Variants in CRTAC1 observed in about 807,000 individuals in gnomAD.
CRTAC1 encodes cartilage acidic protein 1, also known as acidic secreted protein in cartilage.
In CRTAC1, 37 loss-of-function variants were observed where a neutral mutation model predicts 67.8. The ratio of observed to expected loss-of-function variants is 0.55; its 90% CI spans 0.42 to 0.72. The LOEUF (loss-of-function observed/expected upper bound fraction) is 0.72, where lower values mean the gene tolerates loss of function less well. CRTAC1 is among the 30% of genes least tolerant of loss of function. CRTAC1 has a pLI of 0.00. For missense variants in CRTAC1, 780 were observed against 931.6 expected (o/e 0.84, Z 2.12); for synonymous variants, 348 against 371.0 (o/e 0.94, Z 0.71).
intron 2 of CRTAC1, among the ~76,000 whole-genome samples, chr10:97,989,820 A>T (rs968010228): frequency 3.9e-5 from 6 of 152,252 alleles, no homozygotes; most frequent in African/African-American, 1.4e-4. Context: ...GGAAGGAGTT[A>T]GAGTTTAACC....
At chr10:98,005,288 A>G (rs1421155365) in intron 2 of CRTAC1, among the ~76,000 whole-genome samples, 2 of 150,580 alleles carry the variant, frequency 1.3e-5, no homozygotes, top group African/African-American at 2.4e-5. Flanking sequence ...TATTTTTAGT[A>G]GAGAAGGGGT....
At chr10:97,875,250 T>C (rs1353021616) in intron 14 of CRTAC1, among the ~76,000 whole-genome samples, 1 of 152,236 alleles carries the variant, frequency 6.6e-6, no homozygotes, top group Admixed American at 6.5e-5. Flanking sequence ...GGTAATAAAA[T>C]AGACTCATAA....
At chr10:97,987,605 T>C (rs1028244539) in intron 2 of CRTAC1, among the ~76,000 whole-genome samples, 2 of 152,256 alleles carry the variant, frequency 1.3e-5, no homozygotes, top group Admixed American at 6.5e-5. Flanking sequence ...GCGGCGTTTA[T>C]GTGCACGAGT....
At position 97,901,570 on chromosome 10, in the gene CRTAC1, C is replaced by A; in HGVS notation, c.1066G>T (p.Asp356Tyr). 1 of 1,614,168 alleles carries A rather than the reference C, an allele frequency of 6.2e-7. No homozygotes were observed. Among genetic ancestry groups the A allele is most frequent in the Non-Finnish European group, 8.5e-7 (1 of 1,180,034 alleles). Residue 356 changes from aspartate (D) to tyrosine (Y), a missense_variant, in exon 8 of 15, where the codon GAC (aspartate) becomes TAC (tyrosine). Asp to Tyr is a radical substitution (Grantham distance 160, BLOSUM62 -3). Coordinates refer to ENST00000370597, the MANE Select transcript of CRTAC1 (RefSeq NM_018058.7). ...RTVITADFDN[D>Y]QELEIFFNNI... ...TTGAAGAAGATCTCCAGCTCCTGGT[C>A]ATTGTCAAAGTCGGCGGTGATGACC...
intron 4 of CRTAC1, among the ~76,000 whole-genome samples, chr10:97,922,753 C>A (rs561845533): frequency 6.6e-6 from 1 of 152,338 alleles, no homozygotes; most frequent in South Asian, 2.1e-4. Flanking sequence ...TATTGATGAA[C>A]TAAAGTACTC....
chr10:97,923,434 AGTGGAT>A (rs746158751), intron 3 of CRTAC1, 34 bp from the exon 4 acceptor site: 1 of 1,613,640 alleles, frequency 6.2e-7, no homozygotes, highest in African/African-American at 1.3e-5. Flanking sequence ...GCTGGTGGAC[AGTGGAT>A]CAGGGTCTTG....
At chr10:97,981,265 A>T (rs373816021) in intron 2 of CRTAC1, among the ~76,000 whole-genome samples, 5 of 152,240 alleles carry the variant, frequency 3.3e-5, no homozygotes, top group African/African-American at 1.2e-4. Context: ...GAAAGACGTA[A>T]GGAAGAAAAT....
rs2050987597 is a variant in CRTAC1, at chr10:97,930,486, C to T, written c.421+5684G>A. 4.6e-5 allele frequency among the ~76,000 whole-genome samples: 7 copies of T among 152,152 alleles called. 2 individuals carry two copies. The South Asian group carries it at 1.4e-3, about 32-fold the overall frequency. ...CATACATCTCAGACTTTGCTGGGTT[C>T]AGGAAGCTCCTGGAGATTAAATACA... On this transcript the variant is annotated intron_variant, in intron 3 of 14. Transcript: ENST00000370597.
intron 2 of CRTAC1, among the ~76,000 whole-genome samples, chr10:97,956,852 G>C (rs1356910865): frequency 6.6e-6 from 1 of 151,846 alleles, no homozygotes; most frequent in Non-Finnish European, 1.5e-5. Context: ...CTCTAGCCAG[G>C]CTGGAGTACA....
chr10:97,891,057 C>T (rs922793274), intron 11 of CRTAC1, among the ~76,000 whole-genome samples: 2 of 152,146 alleles, frequency 1.3e-5, no homozygotes, highest in African/African-American at 4.8e-5. Context: ...GTTCCTTCTA[C>T]TGGAACGTAG....
At chr10:97,979,731 C>T (rs759878785) in intron 2 of CRTAC1, among the ~76,000 whole-genome samples, 1 of 152,170 alleles carries the variant, frequency 6.6e-6, no homozygotes, top group Non-Finnish European at 1.5e-5. Flanking sequence ...AACCTTGGGT[C>T]CCACCCCAGT....
At chr10:97,974,820 C>T (rs2051771784) in intron 2 of CRTAC1, among the ~76,000 whole-genome samples, 1 of 152,174 alleles carries the variant, frequency 6.6e-6, no homozygotes, top group Admixed American at 6.5e-5. Context: ...CTTTCTTCTT[C>T]TTGATATATT....
At chr10:98,008,261 C>G (rs1590287238) in intron 2 of CRTAC1, among the ~76,000 whole-genome samples, 1 of 152,182 alleles carries the variant, frequency 6.6e-6, no homozygotes, top group African/African-American at 2.4e-5. Flanking sequence ...TTTCAGCATG[C>G]CTTTGAGAGA....
At chr10:98,025,275 G>A (rs1003633007) in intron 1 of CRTAC1, among the ~76,000 whole-genome samples, 2 of 152,154 alleles carry the variant, frequency 1.3e-5, no homozygotes, top group African/African-American at 4.8e-5. Flanking sequence ...GCTGTGAGAC[G>A]TGTTCTGTGC....
intron 11 of CRTAC1, among the ~76,000 whole-genome samples, chr10:97,885,236 A>G (rs1420207038): frequency 6.6e-6 from 1 of 152,182 alleles, no homozygotes; most frequent in Admixed American, 6.5e-5. Flanking sequence ...ATGGTGGCTC[A>G]TGCCTGGAAT....
intron 2 of CRTAC1, among the ~76,000 whole-genome samples, chr10:97,986,048 C>G (rs374777360): frequency 6.6e-6 from 1 of 152,112 alleles, no homozygotes; most frequent in Non-Finnish European, 1.5e-5. Flanking sequence ...GTTCTGAGAG[C>G]GATCAAAGCT....
chr10:97,952,673 T>C (rs2051377262), intron 2 of CRTAC1, among the ~76,000 whole-genome samples: 1 of 151,836 alleles, frequency 6.6e-6, no homozygotes, highest in African/African-American at 2.4e-5. Context: ...TTCACCAAAA[T>C]GTGAGACCCA....
At chr10:97,909,351 A>T (rs1405701464) in intron 5 of CRTAC1, among the ~76,000 whole-genome samples, 1 of 152,278 alleles carries the variant, frequency 6.6e-6, no homozygotes. Flanking sequence ...CCCGACCAGG[A>T]TCAAGACACG....
At chr10:98,005,427 T>A (rs1205333911) in intron 2 of CRTAC1, among the ~76,000 whole-genome samples, 10 of 149,778 alleles carry the variant, frequency 6.7e-5, no homozygotes, top group Non-Finnish European at 1.5e-4. Context: ...TATTTTAAGT[T>A]AAAAAAAAAG....
Sources: gnomAD v4.1 joint callset for allele counts (sites outside exome capture counted in the v4.1 genomes callset) on GRCh38, gnomAD v4.1.1 for gene constraint, MANE v1.5 for transcripts, NCBI Gene and HGNC (gene_info 2026-07-23, HGNC 2026-07-21) for gene names.